The following GUCA1C variants were observed in gnomAD, a reference collection of about 807,000 sequenced individuals.
The protein encoded by GUCA1C is guanylate cyclase activator 1C.
GUCA1C carries 15 observed loss-of-function variants against 16.2 expected under a neutral mutation model. The observed-to-expected ratio is 0.93, with a 90% confidence interval of 0.62 to 1.43. GUCA1C has a LOEUF of 1.43. Ranked by LOEUF, GUCA1C falls within the 40% of genes most tolerant of loss-of-function variation. The probability of loss-of-function intolerance (pLI) is 0.00; values close to 1 mark genes in which losing one functional copy is unlikely to be tolerated. For missense variants in GUCA1C, 275 were observed against 244.8 expected, an observed-to-expected ratio of 1.12 and a Z score of -0.82; for synonymous variants, 78 against 85.4, an observed-to-expected ratio of 0.91 and a Z score of 0.48.
intron 1 of GUCA1C, among the ~76,000 whole-genome samples, chr3:108,924,056 C>A (rs115545963): frequency 1.3e-5 from 2 of 152,070 alleles, no homozygotes; most frequent in Admixed American, 6.6e-5. Flanking sequence ...TTGGAGGAGT[C>A]TTTAGAGTTC....
Position 108,931,865 on chromosome 3 carries a change from C to CTTTTTTTTTTTTT in GUCA1C, c.205-11293_205-11281dup, listed in dbSNP as rs59451506. Among the ~76,000 whole-genome samples the CTTTTTTTTTTTTT allele has an allele frequency of 2.7e-5, 3 of 110,142 alleles. 1 individual carries two copies. Among genetic ancestry groups the CTTTTTTTTTTTTT allele is most frequent in the African/African-American group, 7.1e-5 (2 of 28,016 alleles). 72.3% of individuals were successfully genotyped at this position (110,142 alleles called of 152,430 possible). ...AAGGGAACAGTTTTTTTTCTTCCTT[C>CTTTTTTTTTTTTT]TTTTTTTTTTTTTTTTTTTTTGAGA... On this transcript the variant is annotated intron_variant, in intron 1 of 3. Coordinates refer to ENST00000261047, the MANE Select transcript of GUCA1C (RefSeq NM_005459.4).
intron 1 of GUCA1C, among the ~76,000 whole-genome samples, chr3:108,939,451 C>T (rs1283966917): frequency 6.7e-6 from 1 of 149,654 alleles, no homozygotes; most frequent in Non-Finnish European, 1.5e-5. Context: ...CTCAGCCACC[C>T]GAGTCGCTGG....
At chr3:108,936,127 T>G (rs1243444696) in intron 1 of GUCA1C, among the ~76,000 whole-genome samples, 1 of 152,068 alleles carries the variant, frequency 6.6e-6, no homozygotes, top group Non-Finnish European at 1.5e-5. Flanking sequence ...AAACCAGGTG[T>G]TGTGGTGTGC....
At chr3:108,939,964 C>A (rs1327935274) in intron 1 of GUCA1C, among the ~76,000 whole-genome samples, 1 of 152,188 alleles carries the variant, frequency 6.6e-6, no homozygotes, top group East Asian at 1.9e-4. Flanking sequence ...TCAATAGATT[C>A]TGTTAAAATA....
At chr3:108,918,565 G>C (rs1017290955) in intron 2 of GUCA1C, among the ~76,000 whole-genome samples, 8 of 152,214 alleles carry the variant, frequency 5.3e-5, no homozygotes, top group Middle Eastern at 3.4e-3. Context: ...TTGACCTGGG[G>C]GGTCCTACTA....
At chr3:108,917,427 G>A (rs1202086279) in intron 2 of GUCA1C, among the ~76,000 whole-genome samples, 3 of 151,794 alleles carry the variant, frequency 2.0e-5, no homozygotes, top group African/African-American at 7.3e-5. Flanking sequence ...AGCTTGCTCC[G>A]TTTTCCTTCT....
At chr3:108,941,744 AAGAAGTTGGACC>A (rs759260529) in intron 1 of GUCA1C, among the ~76,000 whole-genome samples, 1 of 152,204 alleles carries the variant, frequency 6.6e-6, no homozygotes, top group Non-Finnish European at 1.5e-5. Context: ...TTACAGCAAC[AAGAAGTTGGACC>A]AGAAGCTGGA....
chr3:108,942,399 A>G (rs1946796100), intron 1 of GUCA1C, among the ~76,000 whole-genome samples: 1 of 152,240 alleles, frequency 6.6e-6, no homozygotes, highest in Non-Finnish European at 1.5e-5. Flanking sequence ...ACCTTGGATC[A>G]CACAGTCAGT....
chr3:108,926,946 T>G (rs1012045892), intron 1 of GUCA1C, among the ~76,000 whole-genome samples: 11 of 152,218 alleles, frequency 7.2e-5, no homozygotes, highest in South Asian at 2.1e-4. Flanking sequence ...TCTCTCAGTA[T>G]TTGTTTGTCT....
At chr3:108,916,626 C>T (rs1016808944) in intron 2 of GUCA1C, among the ~76,000 whole-genome samples, 2 of 152,148 alleles carry the variant, frequency 1.3e-5, no homozygotes, top group Admixed American at 1.3e-4. Context: ...GTAAGAGTCT[C>T]AAGCTTCCTC....
intron 2 of GUCA1C, among the ~76,000 whole-genome samples, chr3:108,917,000 G>A (rs905590822): frequency 2.6e-5 from 4 of 152,096 alleles, no homozygotes; most frequent in Non-Finnish European, 5.9e-5. Context: ...TCTCTCTCTT[G>A]CTTCTTCTCA....
intron 3 of GUCA1C, among the ~76,000 whole-genome samples, chr3:108,910,870 T>G (rs1455332681): frequency 6.6e-6 from 1 of 152,084 alleles, no homozygotes; most frequent in African/African-American, 2.4e-5. Flanking sequence ...CAGGATGGTC[T>G]CGATCTCCTG....
chr3:108,919,587 C>T lies in GUCA1C; in HGVS notation c.354+849G>A, dbSNP rs906758707. ...TCCATATGTTGGTTAACTCTACATTCGCTTATTTAGCTTTACATTTTTATC... is the reference window on the plus strand; with the variant it reads ...TCCATATGTTGGTTAACTCTACATTTGCTTATTTAGCTTTACATTTTTATC... On this transcript the variant is annotated intron_variant, in intron 2 of 3. Coordinates refer to ENST00000261047, the MANE Select transcript of GUCA1C (RefSeq NM_005459.4). 3.9e-5 allele frequency among the ~76,000 whole-genome samples: 6 copies of T among 152,078 alleles called. No individual in the cohort carries two copies. In the East Asian group the frequency reaches 5.8e-4, roughly 15 times the overall value.
At chr3:108,912,319 G>A (rs1211282866) in intron 3 of GUCA1C, among the ~76,000 whole-genome samples, 1 of 151,758 alleles carries the variant, frequency 6.6e-6, no homozygotes, top group Non-Finnish European at 1.5e-5. Flanking sequence ...GAGCATGGTA[G>A]AATATGGATT....
intron 3 of GUCA1C, 85 bp downstream of exon 3, chr3:108,916,042 C>A (rs760762989): frequency 6.4e-7 from 1 of 1,566,444 alleles, no homozygotes; most frequent in Non-Finnish European, 8.7e-7. Context: ...TTGAATGGTT[C>A]CTGCTTTTGT....
At chr3:108,921,579 A>G (rs990246958) in intron 1 of GUCA1C, among the ~76,000 whole-genome samples, 22 of 152,156 alleles carry the variant, frequency 1.4e-4, no homozygotes, top group Admixed American at 5.9e-4. Flanking sequence ...CTCCTGTTGC[A>G]CCACATCCTC....
At chr3:108,909,812 T>TA (rs199715790) in intron 3 of GUCA1C, among the ~76,000 whole-genome samples, 3,210 of 151,632 alleles carry the variant, frequency 0.021, 111 homozygotes, top group African/African-American at 0.07. Flanking sequence ...CCACTTACCA[T>TA]AAAAAAAAAT....
chr3:108,910,174 C>T (rs1404372820), intron 3 of GUCA1C, among the ~76,000 whole-genome samples: 3 of 152,120 alleles, frequency 2.0e-5, no homozygotes, highest in African/African-American at 7.2e-5. Context: ...AAAGAGTCAC[C>T]TGTGGAGGTC....
At position 108,947,737 on chromosome 3, in the gene GUCA1C, T is replaced by C. The variant is rs567286349; in HGVS notation, c.204+5822A>G. 7.9e-5 allele frequency among the ~76,000 whole-genome samples: 12 copies of C among 152,314 alleles called. No individual in the cohort carries two copies. The South Asian group carries it at 2.1e-3, about 26-fold the overall frequency. Reference sequence around the variant, plus strand: ...ACAAAAATGGCAAAATTTTTATAATTGCTGAAGCTGGGTGATGGGTCTATG... The same window carrying C: ...ACAAAAATGGCAAAATTTTTATAATCGCTGAAGCTGGGTGATGGGTCTATG... On this transcript the variant is annotated intron_variant, in intron 1 of 3. Transcript: ENST00000261047.
Sources: allele counts gnomAD v4.1 joint callset (sites outside exome capture counted in the v4.1 genomes callset), GRCh38; gene constraint gnomAD v4.1.1; transcripts MANE v1.5; gene names NCBI Gene and HGNC (gene_info 2026-07-23, HGNC 2026-07-21).